Variants in EBF1 observed in about 807,000 individuals in gnomAD.
The protein encoded by EBF1 is EBF transcription factor 1.
A neutral mutation model predicts 68.4 loss-of-function variants in EBF1; 10 were observed. The ratio of observed to expected loss-of-function variants is 0.15; its 90% CI spans 0.09 to 0.25. The LOEUF is 0.25. EBF1 is among the 10% of genes least tolerant of loss of function. EBF1 has a pLI of 1.00. For synonymous variants in EBF1, 298 were observed against 299.8 expected, an observed-to-expected ratio of 0.99 and a Z score of 0.06; for missense variants, 509 against 794.4, an observed-to-expected ratio of 0.64 and a Z score of 4.32.
chr5:158,830,332 G>A (rs992290721), intron 7 of EBF1, among the ~76,000 whole-genome samples: 2 of 151,976 alleles, frequency 1.3e-5, no homozygotes, highest in Admixed American at 6.6e-5. Context: ...ACTGCAGGGC[G>A]TAATCTCGGC....
At chr5:158,800,440 C>T (rs991272588) in intron 8 of EBF1, among the ~76,000 whole-genome samples, 8 of 151,890 alleles carry the variant, frequency 5.3e-5, no homozygotes, top group African/African-American at 1.9e-4. Flanking sequence ...ACATTTATTC[C>T]CTATATATTT....
At position 158,831,728 on chromosome 5, in the gene EBF1, C is replaced by T. The variant is rs59691499; in HGVS notation, c.636+8301G>A. ...TGTTGGCCAGGCTGGTCTCAAACTC[C>T]TGGCCTCAAGTGATCCACCTGCCTC... On this transcript the variant is annotated intron_variant, in intron 7 of 15. Coordinates refer to ENST00000313708, the MANE Select transcript of EBF1 (RefSeq NM_024007.5). Among the ~76,000 whole-genome samples, 675 of 152,240 alleles carry T rather than the reference C, an allele frequency of 4.4e-3. 8 individuals are homozygous for T. The highest frequency in any genetic ancestry group is 0.016 in the African/African-American group (648 of 41,554).
At chr5:158,825,095 AGAGTGGTTCTTCTCTTTATTCATGATT>A (rs1332259620) in intron 7 of EBF1, among the ~76,000 whole-genome samples, 2 of 152,214 alleles carry the variant, frequency 1.3e-5, no homozygotes, top group African/African-American at 2.4e-5. Flanking sequence ...AGAAGTTTGC[AGAGTGGTTCTTCTCTTTATTCATGATT>A]GACCAACCAG....
chr5:159,088,679 A>C (rs1041218481), intron 4 of EBF1, among the ~76,000 whole-genome samples: 2 of 152,176 alleles, frequency 1.3e-5, no homozygotes, highest in Non-Finnish European at 2.9e-5. Context: ...ATAGTAAATC[A>C]TGAGTCTGCT....
At chr5:158,776,962 T>C (rs796699027) in intron 10 of EBF1, among the ~76,000 whole-genome samples, 6 of 152,298 alleles carry the variant, frequency 3.9e-5, no homozygotes, top group African/African-American at 1.2e-4. Context: ...AAATGCAGCA[T>C]ACTTGGAAAG....
At chr5:158,822,715 A>G (rs1785127891) in intron 8 of EBF1, among the ~76,000 whole-genome samples, 1 of 152,254 alleles carries the variant, frequency 6.6e-6, no homozygotes, top group African/African-American at 2.4e-5. Context: ...AGGTGGTCAC[A>G]GAGATACACC....
intron 6 of EBF1, among the ~76,000 whole-genome samples, chr5:159,008,947 C>G (rs1033880442): frequency 1.3e-5 from 2 of 152,166 alleles, no homozygotes; most frequent in African/African-American, 2.4e-5. Context: ...AACATTATCT[C>G]TTTTAGACTC....
At chr5:159,094,354 G>A (rs1236607671) in intron 4 of EBF1, among the ~76,000 whole-genome samples, 1 of 119,740 alleles carries the variant, frequency 8.4e-6, no homozygotes, top group Admixed American at 7.6e-5. Context: ...CAAATAACAT[G>A]AAATATATTT....
chr5:158,909,468 C>T (rs1041548942), intron 6 of EBF1, among the ~76,000 whole-genome samples: 11 of 152,182 alleles, frequency 7.2e-5, no homozygotes, highest in Non-Finnish European at 1.6e-4. Context: ...ATAATTGTGT[C>T]ACCATTAGGA....
chr5:159,031,370 A>T (rs1054611974), intron 6 of EBF1, among the ~76,000 whole-genome samples: 2 of 152,172 alleles, frequency 1.3e-5, no homozygotes, highest in Non-Finnish European at 2.9e-5. Context: ...TCCTGAAAAA[A>T]TCTGGACATT....
At chr5:158,868,647 G>A (rs1012572772) in intron 6 of EBF1, among the ~76,000 whole-genome samples, 4 of 152,138 alleles carry the variant, frequency 2.6e-5, no homozygotes, top group Non-Finnish European at 2.9e-5. Flanking sequence ...GGAGTCACAC[G>A]TCACACAGCC....
At chr5:158,996,968 T>C (rs775820059) in intron 6 of EBF1, among the ~76,000 whole-genome samples, 30 of 152,286 alleles carry the variant, frequency 2.0e-4, no homozygotes, top group Admixed American at 5.2e-4. Flanking sequence ...CAGCCCCAAC[T>C]ACACCCCATC....
intron 8 of EBF1, among the ~76,000 whole-genome samples, chr5:158,822,106 A>T (rs1343124781): frequency 2.0e-5 from 3 of 152,142 alleles, no homozygotes; most frequent in Non-Finnish European, 2.9e-5. Context: ...TCAGGTGATC[A>T]TTTGTGTGGT....
intron 6 of EBF1, among the ~76,000 whole-genome samples, chr5:158,949,631 C>T (rs747085343): frequency 1.3e-5 from 2 of 152,144 alleles, no homozygotes; most frequent in Non-Finnish European, 2.9e-5. Flanking sequence ...TGACCCACAC[C>T]CAATCTAGAC....
intron 6 of EBF1, among the ~76,000 whole-genome samples, chr5:158,869,839 T>C (rs1171489387): frequency 2.0e-5 from 3 of 152,196 alleles, no homozygotes; most frequent in Non-Finnish European, 2.9e-5. Context: ...AGGGGATACC[T>C]ATTTTGTTTG....
chr5:159,023,497 A>G (rs1767127997), intron 6 of EBF1, among the ~76,000 whole-genome samples: 2 of 152,224 alleles, frequency 1.3e-5, no homozygotes, highest in African/African-American at 4.8e-5. Flanking sequence ...ACTTGACCCC[A>G]CTGTGTTCCA....
At chr5:158,741,234 A>C (rs1303978533) in intron 10 of EBF1, among the ~76,000 whole-genome samples, 1 of 152,174 alleles carries the variant, frequency 6.6e-6, no homozygotes. Context: ...TTGTAACCAC[A>C]GTAAATGCTG....
chr5:158,912,790 C>T (rs1355194739), intron 6 of EBF1, among the ~76,000 whole-genome samples: 1 of 152,136 alleles, frequency 6.6e-6, no homozygotes, highest in East Asian at 1.9e-4. Flanking sequence ...TTATACATCA[C>T]TTGTATTCCT....
intron 6 of EBF1, among the ~76,000 whole-genome samples, chr5:159,057,542 A>C (rs564337937): frequency 1.3e-5 from 2 of 152,220 alleles, no homozygotes; most frequent in Non-Finnish European, 2.9e-5. Flanking sequence ...CCTAAGGCTG[A>C]TTGCACACAA....
Sources: gnomAD v4.1 joint callset for allele counts (sites outside exome capture counted in the v4.1 genomes callset) on GRCh38, gnomAD v4.1.1 for gene constraint, MANE v1.5 for transcripts, NCBI Gene and HGNC (gene_info 2026-07-23, HGNC 2026-07-21) for gene names.